The following DDX21 variants were observed in gnomAD, a reference collection of about 807,000 sequenced individuals.
The protein encoded by DDX21 is nucleolar RNA helicase 2.
DDX21 carries 18 observed loss-of-function variants against 90.0 expected under a neutral mutation model. That is an observed-to-expected ratio of 0.20 (90% confidence interval 0.14 to 0.30). The LOEUF (loss-of-function observed/expected upper bound fraction) is 0.30. Ranked by LOEUF, DDX21 falls within the 10% of genes least tolerant of loss-of-function variation. The pLI, the probability that DDX21 is intolerant of heterozygous loss-of-function variation, is 1.00. For missense variants in DDX21, 673 were observed against 944.5 expected, an observed-to-expected ratio of 0.71 and a Z score of 3.77; for synonymous variants, 294 against 318.0, an observed-to-expected ratio of 0.92 and a Z score of 0.80.
chr10:68,960,318 C>T (rs536542182), intron 2 of DDX21, 69 bp downstream of exon 2: 1 of 1,443,608 alleles, frequency 6.9e-7, no homozygotes, highest in Non-Finnish European at 9.3e-7. Flanking sequence ...TAGGTAACTG[C>T]TATATGTACT....
At chr10:68,956,517 C>A in intron 1 of DDX21, 1 of 1,422,986 alleles carries the variant, frequency 7.0e-7, no homozygotes, top group Non-Finnish European at 9.2e-7. Flanking sequence ...CGAGCCAGGT[C>A]CGCCGTGCGC....
At chr10:68,956,385 G>C in intron 1 of DDX21, 73 bp downstream of exon 1, 1 of 1,593,966 alleles carries the variant, frequency 6.3e-7, no homozygotes, top group Non-Finnish European at 8.6e-7. Context: ...AGAAGTGCCC[G>C]GGCTGGGATC....
chr10:68,966,862 G>T (rs1037311509), intron 5 of DDX21, among the ~76,000 whole-genome samples, 156 bp from the exon 6 acceptor site: 11 of 152,044 alleles, frequency 7.2e-5, no homozygotes, highest in Non-Finnish European at 7.4e-5. Context: ...GATTAGGAGT[G>T]CCATGAGTAT....
chr10:68,970,152 T>A (rs1843002042), intron 7 of DDX21, 49 bp from the exon 8 acceptor site: 1 of 1,549,376 alleles, frequency 6.5e-7, no homozygotes, highest in African/African-American at 1.4e-5. Flanking sequence ...GTGATTTTAG[T>A]TTCCAGCAAA....
In DDX21 at chr10:68,982,805, G is replaced by C. The variant is rs374652641; in HGVS notation, c.2345G>C (p.Gly782Ala). ...GQKRSFSKAFGQ is the reference protein window; with the variant it reads ...GQKRSFSKAFAQ ...AAGCGGAGTTTCAGTAAAGCATTTG[G>C]TCAATAATTAGAAATAGAAGATTTA... The change falls in exon 15 of 15, where the codon GGT becomes GCT. Residue 782 changes from glycine to alanine, a missense_variant. Gly to Ala is a moderately conservative substitution (Grantham distance 60, BLOSUM62 0). Transcript: ENST00000354185. The C allele has an allele frequency of 6.2e-7, 1 of 1,613,826 alleles. No individual in the cohort carries two copies. The highest frequency in any genetic ancestry group is 1.7e-5 in the Admixed American group (1 of 59,990).
At chr10:68,969,829 T>C (rs1842996792) in intron 7 of DDX21, among the ~76,000 whole-genome samples, 1 of 152,210 alleles carries the variant, frequency 6.6e-6, no homozygotes, top group African/African-American at 2.4e-5. Flanking sequence ...CTACTACAGA[T>C]TGGGTTTTTA....
intron 5 of DDX21, 75 bp from the exon 6 acceptor site, chr10:68,966,943 C>A: frequency 8.2e-7 from 1 of 1,226,402 alleles, no homozygotes; most frequent in Non-Finnish European, 1.1e-6. Context: ...AGTAACAATA[C>A]AGTTAACTGT....
chr10:68,977,389 G>T (rs1843116296), intron 11 of DDX21, 140 bp from the exon 12 acceptor site: 2 of 692,018 alleles, frequency 2.9e-6, no homozygotes, highest in Non-Finnish European at 4.5e-6. Context: ...ATAGAAATAT[G>T]ATTATTATAT....
At position 68,978,928 on chromosome 10, in the gene DDX21, G is replaced by A. The variant is rs758617586; in HGVS notation, c.1989G>A (p.Glu663=). The A allele has an allele frequency of 1.9e-6, 3 of 1,614,190 alleles. No homozygotes were observed. Among genetic ancestry groups the A allele is most frequent in the Non-Finnish European group, 1.7e-6 (2 of 1,180,018 alleles). ...AAGAACTTAAAGAGCAGCTGGGCGA[G>A]GAGATTGATTCCAAAGTGAAGGGAA... ...AWKELKEQLG[E]EIDSKVKGMV... The change falls in exon 13 of 15, where the codon GAG becomes GAA. Residue 663 remains glutamate (E), a synonymous_variant. Transcript: ENST00000354185.
chr10:68,966,899 C>A, intron 5 of DDX21, 119 bp from the exon 6 acceptor site: 2 of 722,948 alleles, frequency 2.8e-6, no homozygotes, highest in Non-Finnish European at 4.3e-6. Flanking sequence ...TAGCATATTA[C>A]TTTGTACTTG....
rs1191509481 is a variant in DDX21, at chr10:68,960,259, C to T, written c.531+10C>T. On this transcript the variant is annotated intron_variant, in intron 2 of 14. Coordinates refer to ENST00000354185, the MANE Select transcript of DDX21 (RefSeq NM_004728.4). ...CAGTGAGATAGAGCAGGTACATTTG[C>T]ACTTCATTGGGTAGAAGATATCTTT... 2.5e-6 allele frequency: 4 copies of T among 1,585,432 alleles called. No individual in the cohort carries two copies. The highest frequency in any genetic ancestry group is 2.6e-6 in the Non-Finnish European group (3 of 1,170,794).
rs141331906 is a variant in DDX21, at chr10:68,960,056, A to G, written c.338A>G (p.Lys113Arg). 39 of 1,604,784 alleles carry G rather than the reference A, an allele frequency of 2.4e-5. No homozygotes were observed. Among genetic ancestry groups the G allele is most frequent in the Non-Finnish European group, 2.1e-5 (25 of 1,178,056 alleles). ...AAAGTGGTTTCTTCTAAAACCAAAA[A>G]AGTGACAAAAAATGAGGAGCCTTCT... ...EKKVVSSKTKKVTKNEEPSEE... is the reference protein window; with the variant it reads ...EKKVVSSKTKRVTKNEEPSEE... The change falls in exon 2 of 15, where the codon AAA (lysine) becomes AGA (arginine). Residue 113 changes from lysine (K) to arginine (R), a missense_variant. This residue lies in a region of DDX21 where 204 missense variants were observed against 221.6 expected (regional missense o/e 0.92). Coordinates refer to ENST00000354185, the MANE Select transcript of DDX21 (RefSeq NM_004728.4).
chr10:68,982,882 C>T lies in DDX21; in HGVS notation c.*70C>T. ...CAATATAGAACTGAACATTATTTTT[C>T]ATGCAAAGTTAAAAGCACATTGTGC... On this transcript the variant is annotated 3_prime_UTR_variant, in exon 15 of 15. Transcript: ENST00000354185. The T allele has an allele frequency of 6.4e-7, 1 of 1,563,684 alleles. No individual in the cohort carries two copies. The highest frequency in any genetic ancestry group is 1.2e-5 in the South Asian group (1 of 84,450).
At chr10:68,975,326 C>T (rs1376143702) in intron 11 of DDX21, among the ~76,000 whole-genome samples, 1 of 152,026 alleles carries the variant, frequency 6.6e-6, no homozygotes. Context: ...GCATTGGAGG[C>T]AAGAGAATTA....
chr10:68,974,452 T>A (rs375440823), intron 10 of DDX21, among the ~76,000 whole-genome samples: 27 of 152,194 alleles, frequency 1.8e-4, no homozygotes, highest in East Asian at 1.5e-3. Flanking sequence ...GTTTCTTAGT[T>A]GAAACAAATA....
Position 68,961,173 on chromosome 10 carries a change from G to A in DDX21, c.532-909G>A, listed in dbSNP as rs940203742. Among the ~76,000 whole-genome samples, 14 of 152,284 alleles carry A rather than the reference G, an allele frequency of 9.2e-5. No homozygotes were observed. The East Asian group carries it at 1.7e-3, about 19-fold the overall frequency. On this transcript the variant is annotated intron_variant, in intron 2 of 14. Coordinates refer to ENST00000354185, the MANE Select transcript of DDX21 (RefSeq NM_004728.4). ...TGGTCTAGAACTTGTGGCTTCAAGCGATAATCCCGCCTAAGCCTCCCGAGT... is the reference window on the plus strand; with the variant it reads ...TGGTCTAGAACTTGTGGCTTCAAGCAATAATCCCGCCTAAGCCTCCCGAGT...
At chr10:68,982,107 C>T (rs1233234670) in intron 14 of DDX21, among the ~76,000 whole-genome samples, 2 of 152,134 alleles carry the variant, frequency 1.3e-5, no homozygotes, top group East Asian at 1.9e-4. Context: ...CTCCTGACCG[C>T]GGGTGATCCA....
intron 11 of DDX21, 57 bp downstream of exon 11, chr10:68,974,800 C>G (rs1843072298): frequency 6.9e-7 from 1 of 1,444,848 alleles, no homozygotes; most frequent in Admixed American, 2.0e-5. Context: ...TACTGCATGT[C>G]TTTGTACAGT....
rs1842791921 is a variant in DDX21, at chr10:68,956,269, C to G, written c.44C>G (p.Thr15Ser). 1 of 1,614,014 alleles carries G rather than the reference C, an allele frequency of 6.2e-7. No individual in the cohort carries two copies. Among genetic ancestry groups the G allele is most frequent in the African/African-American group, 1.3e-5 (1 of 74,902 alleles). ...AGTGACGCTGGTTTGGAATCAGACA[C>G]CGCAATGAAAAAAGGGGAGACACTG... ...LRSDAGLESD[T>S]AMKKGETLRK... The change falls in exon 1 of 15, where the codon ACC (threonine) becomes AGC (serine). Residue 15 changes from threonine (T) to serine (S), a missense_variant. Thr to Ser is a moderately conservative substitution (Grantham distance 58, BLOSUM62 1). Around this residue, in one of 4 missense-constraint regions of DDX21, gnomAD observed 204 missense variants for 221.6 expected, o/e 0.92. Coordinates refer to ENST00000354185, the MANE Select transcript of DDX21 (RefSeq NM_004728.4).
Sources: allele counts gnomAD v4.1 joint callset (sites outside exome capture counted in the v4.1 genomes callset), GRCh38; gene constraint gnomAD v4.1.1; regional missense constraint gnomAD v4.1.1; transcripts MANE v1.5; gene names NCBI Gene and HGNC (gene_info 2026-07-23, HGNC 2026-07-21).